Variants in ESR2 observed in about 807,000 individuals in gnomAD.
ESR2 encodes the protein estrogen receptor 2.
In ESR2, 36 loss-of-function variants were observed where a neutral mutation model predicts 49.6. The ratio of observed to expected loss-of-function variants is 0.73; its 90% CI spans 0.56 to 0.96. ESR2 has a LOEUF of 0.96. ESR2 is among the 40% of genes least tolerant of loss of function. The pLI, the probability that ESR2 is intolerant of heterozygous loss-of-function variation, is 0.00. For synonymous variants in ESR2, 320 were observed against 266.1 expected (o/e 1.20, Z -1.97); for missense variants, 714 against 693.0 (o/e 1.03, Z -0.34).
chr14:64,253,683 G>A (rs763904311), intron 6 of ESR2, among the ~76,000 whole-genome samples: 1 of 151,954 alleles, frequency 6.6e-6, no homozygotes, highest in Non-Finnish European at 1.5e-5. Context: ...TTACCTCTGT[G>A]TGTATGGCAA....
intron 3 of ESR2, among the ~76,000 whole-genome samples, chr14:64,271,178 C>T (rs186506706): frequency 6.6e-6 from 1 of 151,902 alleles, no homozygotes; most frequent in Admixed American, 6.5e-5. Flanking sequence ...GTGATCTCAA[C>T]TCACTGCAAC....
Position 64,310,778 on chromosome 14 carries a change from G to T in ESR2, c.-91+27120C>A, listed in dbSNP as rs190986256. 2.9e-3 allele frequency among the ~76,000 whole-genome samples: 437 copies of T among 152,136 alleles called. 3 individuals are homozygous for T. Among genetic ancestry groups the T allele is most frequent in the Middle Eastern group, 0.027 (8 of 294 alleles). ...AGCCACCGCGCCAGAGAACTTTTAC[G>T]TACAGTACTTTCCTTTGCTTTAGTA... On this transcript the variant is annotated intron_variant, in intron 1 of 8. Coordinates refer to the ESR2 transcript ENST00000358599.
intron 8 of ESR2, chr14:64,234,724 G>C: frequency 1.3e-6 from 1 of 781,162 alleles, no homozygotes; most frequent in Non-Finnish European, 2.0e-6. Context: ...ATAAACCCCA[G>C]CAATTGAAAA....
chr14:64,333,537 G>A (rs1475123065), intron 1 of ESR2, among the ~76,000 whole-genome samples: 2 of 151,850 alleles, frequency 1.3e-5, no homozygotes, highest in East Asian at 3.9e-4. Context: ...CCCAAGACTG[G>A]GTAATTTATA....
At position 64,310,286 on chromosome 14, in the gene ESR2, A is replaced by AAATAATAATAATAATAATAAT. The variant is rs140862502; in HGVS notation, c.-90-27232_-90-27212dup. Among the ~76,000 whole-genome samples the AAATAATAATAATAATAATAAT allele has an allele frequency of 6.5e-3, 931 of 142,450 alleles. 14 individuals are homozygous for AAATAATAATAATAATAATAAT. The highest frequency in any genetic ancestry group is 0.019 in the African/African-American group (729 of 37,788). The allele number at this position is 142,450 out of a possible 152,430, so 93.5% of individuals were successfully genotyped here. A position where few individuals can be genotyped will look rare whatever the true frequency, so the allele number is the denominator to read the frequency against. On this transcript the variant is annotated intron_variant, in intron 1 of 8. Coordinates refer to the ESR2 transcript ENST00000358599. ...AGACAAAGTAAGACGTCGTCTCAAA[A>AAATAATAATAATAATAATAAT]AATAATAATAATAATAATAATAATA...
At chr14:64,259,448 A>G (rs2076167991) in intron 5 of ESR2, among the ~76,000 whole-genome samples, 5 of 152,218 alleles carry the variant, frequency 3.3e-5, no homozygotes, top group Admixed American at 3.3e-4. Flanking sequence ...TTCTTCAAGG[A>G]CTGTAAAGAA....
intron 1 of ESR2, among the ~76,000 whole-genome samples, chr14:64,293,319 G>C (rs1235474439): frequency 6.6e-6 from 1 of 152,118 alleles, no homozygotes; most frequent in Non-Finnish European, 1.5e-5. Flanking sequence ...GTAAATACTA[G>C]AAATATAACA....
chr14:64,257,259 T>C lies in ESR2; in HGVS notation c.1058A>G (p.Lys353Arg). Residue 353 changes from lysine to arginine, a missense_variant, in exon 6 of 9, where the codon AAG becomes AGG. Coordinates refer to ENST00000341099, the MANE Select transcript of ESR2 (RefSeq NM_001437.3). ...LMWRSIDHPG[K>R]LIFAPDLVLD... ...AACAAGATCTGGAGCAAAGATGAGC[T>C]TGCCGGGGTGGTCAATTGAGCGCCA... The C allele has an allele frequency of 6.2e-7, 1 of 1,614,196 alleles. No homozygotes were observed. The highest frequency in any genetic ancestry group is 8.5e-7 in the Non-Finnish European group (1 of 1,180,042).
intron 1 of ESR2, among the ~76,000 whole-genome samples, chr14:64,324,660 G>T (rs2077367751): frequency 6.6e-6 from 1 of 152,148 alleles, no homozygotes; most frequent in Non-Finnish European, 1.5e-5. Context: ...TCCATTTGCT[G>T]AGTAAGCATC....
intron 8 of ESR2, 153 bp from the exon 9 acceptor site, chr14:64,233,476 TC>T (rs1308781121): frequency 1.5e-6 from 1 of 671,058 alleles, no homozygotes; most frequent in African/African-American, 1.8e-5. Flanking sequence ...TGCATCCAGC[TC>T]CCCCTGATAA....
rs374485648 is a variant in ESR2, at chr14:64,234,966, G to A, written c.1406+4C>T. 8.6e-5 allele frequency: 139 copies of A among 1,613,710 alleles called. No homozygotes were observed. Among genetic ancestry groups the A allele is most frequent in the Non-Finnish European group, 1.0e-4 (123 of 1,179,776 alleles). ...CAAGCAGAGCAGCTCCTTAGGGCGCGTACCTCGCATGCCTGACGTGGGACA... is the reference window on the plus strand; with the variant it reads ...CAAGCAGAGCAGCTCCTTAGGGCGCATACCTCGCATGCCTGACGTGGGACA... On this transcript the variant is annotated splice_donor_region_variant and intron_variant, in intron 8 of 8. Coordinates refer to ENST00000341099, the MANE Select transcript of ESR2 (RefSeq NM_001437.3).
chr14:64,278,719 G>A (rs2076606267), intron 3 of ESR2, among the ~76,000 whole-genome samples: 1 of 152,164 alleles, frequency 6.6e-6, no homozygotes, highest in Admixed American at 6.5e-5. Flanking sequence ...GAGAAGGAGT[G>A]TAGCAAAGAC....
At chr14:64,292,348 G>A (rs2076886260) in intron 1 of ESR2, among the ~76,000 whole-genome samples, 3 of 152,178 alleles carry the variant, frequency 2.0e-5, no homozygotes, top group Admixed American at 2.0e-4. Flanking sequence ...GTACAAAGGG[G>A]ACTTTTGGGG....
intron 7 of ESR2, among the ~76,000 whole-genome samples, chr14:64,238,695 G>T (rs1596370580): frequency 6.6e-6 from 1 of 151,602 alleles, no homozygotes. Flanking sequence ...AAAAACATCA[G>T]TTAGGATTCA....
At chr14:64,308,119 AC>A (rs1007607560) in intron 1 of ESR2, among the ~76,000 whole-genome samples, 2 of 151,858 alleles carry the variant, frequency 1.3e-5, no homozygotes, top group Non-Finnish European at 2.9e-5. Context: ...GGCTCAAGCC[AC>A]CCTCCCACCT....
Position 64,229,176 on chromosome 14 carries a change from G to A in ESR2, c.*3961C>T, listed in dbSNP as rs1256575100. ...CTGTCATTGCTGCTGTTGTGTAAAG[G>A]CTCATGCAGACCCATCTAAGCTGAG... On this transcript the variant is annotated 3_prime_UTR_variant, in exon 9 of 9. Transcript: ENST00000341099. Among the ~76,000 whole-genome samples, 3 of 152,080 alleles carry A rather than the reference G, an allele frequency of 2.0e-5. No individual in the cohort carries two copies. The highest frequency in any genetic ancestry group is 7.2e-5 in the African/African-American group (3 of 41,402).
At chr14:64,335,614 C>G (rs1445413873) in intron 1 of ESR2, among the ~76,000 whole-genome samples, 1 of 152,124 alleles carries the variant, frequency 6.6e-6, no homozygotes, top group African/African-American at 2.4e-5. Context: ...CCCAAAGGCC[C>G]TGCCTCCAAA....
intron 6 of ESR2, among the ~76,000 whole-genome samples, chr14:64,252,963 C>T (rs916907706): frequency 6.6e-6 from 1 of 152,000 alleles, no homozygotes; most frequent in African/African-American, 2.4e-5. Flanking sequence ...TCAAGTGATT[C>T]TCCTGCCTCA....
chr14:64,267,378 A>C (rs2076353519), intron 4 of ESR2, among the ~76,000 whole-genome samples: 2 of 152,172 alleles, frequency 1.3e-5, no homozygotes, highest in Non-Finnish European at 2.9e-5. Context: ...ATAACCAATA[A>C]TACACGCTGT....
Sources: gnomAD v4.1 joint callset for allele counts (sites outside exome capture counted in the v4.1 genomes callset) on GRCh38, gnomAD v4.1.1 for gene constraint, MANE v1.5 for transcripts, NCBI Gene and HGNC (gene_info 2026-07-23, HGNC 2026-07-21) for gene names.